Variants in FTCDNL1 observed in about 807,000 individuals in gnomAD.
The protein encoded by FTCDNL1 is formiminotransferase cyclodeaminase N-terminal like.
Under a neutral mutation model 5.9 loss-of-function variants are expected in FTCDNL1, and 11 were observed. The ratio of observed to expected loss-of-function variants is 1.87; its 90% confidence interval spans 1.18 to 3.10. The LOEUF (loss-of-function observed/expected upper bound fraction) is 3.10. FTCDNL1 is among the 30% of genes most tolerant of loss of function. FTCDNL1 has a pLI of 0.00. For synonymous variants in FTCDNL1, 58 were observed against 24.8 expected, an observed-to-expected ratio of 2.34 and a Z score of -3.99; for missense variants, 115 against 65.5, an observed-to-expected ratio of 1.76 and a Z score of -2.61.
intron 3 of FTCDNL1, among the ~76,000 whole-genome samples, chr2:199,827,483 A>AT (rs1331521366): frequency 6.6e-6 from 1 of 152,152 alleles, no homozygotes; most frequent in Non-Finnish European, 1.5e-5. Flanking sequence ...GTATCATCAA[A>AT]TTATCATTTT....
At chr2:199,840,487 T>A (rs1442515494) in intron 3 of FTCDNL1, among the ~76,000 whole-genome samples, 2 of 152,082 alleles carry the variant, frequency 1.3e-5, no homozygotes. Flanking sequence ...TGTGAGTGTG[T>A]GTGTGTTAGA....
the FTCDNL1 span, among the ~76,000 whole-genome samples, chr2:199,701,076 A>T: frequency 1.3e-5 from 2 of 152,174 alleles, no homozygotes; most frequent in Non-Finnish European, 2.9e-5. Flanking sequence ...CATCAGAATC[A>T]TGTGAATCAT....
the FTCDNL1 span, among the ~76,000 whole-genome samples, chr2:199,703,060 T>G: frequency 1.3e-5 from 2 of 152,076 alleles, no homozygotes; most frequent in Non-Finnish European, 2.9e-5. Flanking sequence ...TTATTTAATT[T>G]TATTATTATT....
At chr2:199,729,745 G>A in the FTCDNL1 span, among the ~76,000 whole-genome samples, 1 of 152,150 alleles carries the variant, frequency 6.6e-6, no homozygotes, top group Non-Finnish European at 1.5e-5. Flanking sequence ...TCATGGATAG[G>A]AAGAATCAAG....
the FTCDNL1 span, among the ~76,000 whole-genome samples, chr2:199,752,152 CCTT>C: frequency 2.0e-5 from 3 of 152,156 alleles, no homozygotes; most frequent in Non-Finnish European, 2.9e-5. Context: ...TCACCTGTCT[CCTT>C]CTGCCTTCTT....
the FTCDNL1 span, among the ~76,000 whole-genome samples, chr2:199,732,990 G>A: frequency 6.6e-6 from 1 of 152,186 alleles, no homozygotes; most frequent in Non-Finnish European, 1.5e-5. Flanking sequence ...AAGAAGACAG[G>A]GAAATTATTA....
intron 3 of FTCDNL1, among the ~76,000 whole-genome samples, chr2:199,787,357 T>C (rs1209589599): frequency 2.6e-5 from 4 of 152,088 alleles, no homozygotes; most frequent in Non-Finnish European, 4.4e-5. Flanking sequence ...TAATTTCTTG[T>C]ATTTTTAGTA....
At chr2:199,679,224 G>A in the FTCDNL1 span, among the ~76,000 whole-genome samples, 1 of 151,932 alleles carries the variant, frequency 6.6e-6, no homozygotes, top group Non-Finnish European at 1.5e-5. Flanking sequence ...TCTGTGAATT[G>A]TCTGTTCTTC....
the FTCDNL1 span, among the ~76,000 whole-genome samples, chr2:199,706,406 TCTCTGTCAC>T: frequency 2.6e-5 from 4 of 152,176 alleles, no homozygotes; most frequent in Non-Finnish European, 5.9e-5. Flanking sequence ...ATAACCTCTA[TCTCTGTCAC>T]CTTGGGCACT....
intron 3 of FTCDNL1, among the ~76,000 whole-genome samples, chr2:199,829,635 T>C (rs1280128942): frequency 6.6e-6 from 1 of 152,218 alleles, no homozygotes; most frequent in Admixed American, 6.5e-5. Flanking sequence ...AGAATCTGCT[T>C]AATTAAATGT....
In FTCDNL1 at chr2:199,795,843, T is replaced by G. The variant is rs142344519; in HGVS notation, c.212-35008A>C. ...CTGTCAATGTACTGTTTATATCTCATTGTCATCCATATTTCCTTTTCTTGT... is the reference window on the plus strand; with the variant it reads ...CTGTCAATGTACTGTTTATATCTCAGTGTCATCCATATTTCCTTTTCTTGT... On this transcript the variant is annotated intron_variant, in intron 3 of 3. Coordinates refer to the FTCDNL1 transcript ENST00000416668. Among the ~76,000 whole-genome samples the G allele has an allele frequency of 2.5e-3, 381 of 152,296 alleles. 5 individuals carry two copies. Among genetic ancestry groups the G allele is most frequent in the African/African-American group, 8.7e-3 (360 of 41,566 alleles).
chr2:199,754,739 C>T, the FTCDNL1 span, among the ~76,000 whole-genome samples: 23 of 152,226 alleles, frequency 1.5e-4, no homozygotes, highest in African/African-American at 4.3e-4. Context: ...TTGGGGGCTT[C>T]GGAACCTCAT....
intron 3 of FTCDNL1, among the ~76,000 whole-genome samples, chr2:199,766,235 TTAA>T (rs1397677372): frequency 1.3e-5 from 2 of 152,246 alleles, no homozygotes; most frequent in African/African-American, 2.4e-5. Context: ...CAGTGCAATT[TTAA>T]TAATATTAAC....
chr2:199,774,467 G>A (rs998892642), intron 3 of FTCDNL1, among the ~76,000 whole-genome samples: 7 of 152,266 alleles, frequency 4.6e-5, no homozygotes, highest in Non-Finnish European at 5.9e-5. Context: ...AGGCCAGGAC[G>A]GGTGGTGGAG....
At chr2:199,791,895 T>C (rs1699946119) in intron 3 of FTCDNL1, among the ~76,000 whole-genome samples, 1 of 152,166 alleles carries the variant, frequency 6.6e-6, no homozygotes, top group South Asian at 2.1e-4. Context: ...CGCTATAGTA[T>C]ATGCTACATT....
At chr2:199,828,840 T>C (rs548778675) in intron 3 of FTCDNL1, among the ~76,000 whole-genome samples, 1 of 152,210 alleles carries the variant, frequency 6.6e-6, no homozygotes, top group African/African-American at 2.4e-5. Context: ...GGAATATCAG[T>C]GTCCATTCTA....
At chr2:199,768,972 C>T (rs1374923760) in intron 3 of FTCDNL1, among the ~76,000 whole-genome samples, 1 of 152,142 alleles carries the variant, frequency 6.6e-6, no homozygotes, top group African/African-American at 2.4e-5. Context: ...TTCACACACA[C>T]CCACACTCCT....
At chr2:199,818,500 T>C (rs1321036733) in intron 4 of FTCDNL1, 3 of 152,162 alleles carry the variant, frequency 2.0e-5, no homozygotes, top group Non-Finnish European at 2.9e-5. Context: ...GTCCGTTTTA[T>C]AGATACGGGA....
rs553954615 is a variant in FTCDNL1, at chr2:199,811,161, C to T, written c.*1544G>A. Reference sequence around the variant, plus strand: ...ATTTCATAAAAATTAAATTTCCTAACAGTCAATACATCTCTCTCTCATCAT... The same window carrying T: ...ATTTCATAAAAATTAAATTTCCTAATAGTCAATACATCTCTCTCTCATCAT... On this transcript the variant is annotated 3_prime_UTR_variant, in exon 5 of 5. Coordinates refer to ENST00000420128, the MANE Select transcript of FTCDNL1 (RefSeq NM_001363886.2). Among the ~76,000 whole-genome samples, 4 of 152,332 alleles carry T rather than the reference C, an allele frequency of 2.6e-5. No homozygotes were observed. In the East Asian group the frequency reaches 7.7e-4, roughly 29 times the overall value.
Sources: gnomAD v4.1 joint callset for allele counts (sites outside exome capture counted in the v4.1 genomes callset) on GRCh38, gnomAD v4.1.1 for gene constraint, MANE v1.5 for transcripts, NCBI Gene and HGNC (gene_info 2026-07-23, HGNC 2026-07-21) for gene names.